The following KLF9 variants were observed in gnomAD, a reference collection of about 807,000 sequenced individuals.
The protein encoded by KLF9 is Krueppel-like factor 9.
A neutral mutation model predicts 17.3 loss-of-function variants in KLF9; 2 were observed. The ratio of observed to expected loss-of-function variants is 0.12; its 90% confidence interval spans 0.05 to 0.36. The LOEUF is 0.36. Among genes scored for constraint, KLF9 ranks in the 10% least tolerant of loss-of-function variants. The pLI is 1.00. For synonymous variants in KLF9, 138 were observed against 139.2 expected (o/e 0.99, Z 0.06); for missense variants, 226 against 333.2 (o/e 0.68, Z 2.51).
At position 70,409,115 on chromosome 9, in the gene KLF9, CATATATGTATATATGTATACAT is replaced by C. The variant is rs2037286369; in HGVS notation, c.505+3722_505+3743del. 2.7e-5 allele frequency among the ~76,000 whole-genome samples: 2 copies of C among 72,862 alleles called. 1 individual carries two copies. The highest frequency in any genetic ancestry group is 6.4e-5 in the Non-Finnish European group (2 of 31,032). The allele number at this position is 72,862 out of a possible 152,430, so 47.8% of individuals were successfully genotyped here. ...ATGTATATATATGTGTATATATATA[CATATATGTATATATGTATACAT>C]ATATATGTATATGTATATATATACA... On this transcript the variant is annotated intron_variant, in intron 1 of 1. Transcript: ENST00000377126.
At chr9:70,397,532 C>A (rs1018423656) in intron 1 of KLF9, among the ~76,000 whole-genome samples, 5 of 151,948 alleles carry the variant, frequency 3.3e-5, no homozygotes, top group African/African-American at 7.2e-5. Flanking sequence ...CATCTGTCTT[C>A]TCACTCCTCT....
rs142996917 is a variant in KLF9 at position 70,387,780 on chromosome 9, A to G, written c.731T>C (p.Leu244Ser). The change falls in exon 2 of 2, where the codon TTG becomes TCG. Residue 244 changes from leucine (L) to serine (S), a missense_variant. Transcript: ENST00000377126. ...KRSKKALANA[L>S] ...CTGGCTTCCACGGGCAGCACCTCAC[A>G]AAGCGTTGGCCAGCGCCTTTTTCGA... The G allele has an allele frequency of 4.2e-5, 68 of 1,613,602 alleles. No homozygotes were observed. The highest frequency in any genetic ancestry group is 5.2e-5 in the Non-Finnish European group (61 of 1,179,890).
chr9:70,402,745 C>T (rs2037230419), intron 1 of KLF9, among the ~76,000 whole-genome samples: 1 of 151,932 alleles, frequency 6.6e-6, no homozygotes, highest in South Asian at 2.1e-4. Context: ...AGAGATAGTT[C>T]GGAGCTCCTT....
At chr9:70,401,809 G>A (rs1395373040) in intron 1 of KLF9, among the ~76,000 whole-genome samples, 1 of 151,546 alleles carries the variant, frequency 6.6e-6, no homozygotes, top group African/African-American at 2.4e-5. Context: ...GAGGCCAGGA[G>A]TTTGAGACCA....
At position 70,384,612 on chromosome 9, in the gene KLF9, T is replaced by G. The variant is rs1010832992; in HGVS notation, c.*3164A>C. 1.3e-5 allele frequency: 2 copies of G among 152,656 alleles called. No homozygotes were observed. Among genetic ancestry groups the G allele is most frequent in the Admixed American group, 6.5e-5 (1 of 15,286 alleles). The allele number at this position is 152,656 out of a possible 1,614,324, so 9.5% of individuals were successfully genotyped here. On this transcript the variant is annotated 3_prime_UTR_variant, in exon 2 of 2. Transcript: ENST00000377126. ...GCTAGAACAATTCAGTCTTTATCATTTATTATTTTTATTTGGACAACATAT... is the reference window on the plus strand; with the variant it reads ...GCTAGAACAATTCAGTCTTTATCATGTATTATTTTTATTTGGACAACATAT...
chr9:70,401,700 A>AG (rs1161785545), intron 1 of KLF9, among the ~76,000 whole-genome samples: 1 of 150,234 alleles, frequency 6.7e-6, no homozygotes, highest in African/African-American at 2.4e-5. Flanking sequence ...AAAAAAAAAA[A>AG]AAAAAGAAAA....
At position 70,387,129 on chromosome 9, in the gene KLF9, A is replaced by C. The variant is rs1052091955; in HGVS notation, c.*647T>G. ...CTATAAGTAACTGTTTTTTGTTTTC[A>C]AGTCTTTAGATGACAGATCATGCTG... On this transcript the variant is annotated 3_prime_UTR_variant, in exon 2 of 2. Coordinates refer to ENST00000377126, the MANE Select transcript of KLF9 (RefSeq NM_001206.4). The C allele has an allele frequency of 6.5e-6, 1 of 152,984 alleles. No individual in the cohort carries two copies. The highest frequency in any genetic ancestry group is 6.5e-5 in the Admixed American group (1 of 15,334). The allele number at this position is 152,984 out of a possible 1,614,324, so 9.5% of individuals were successfully genotyped here.
chr9:70,399,637 C>T (rs2037208751), intron 1 of KLF9, among the ~76,000 whole-genome samples: 2 of 152,218 alleles, frequency 1.3e-5, no homozygotes, highest in South Asian at 2.1e-4. Context: ...TGCCCAAGGA[C>T]GCCCTGCACA....
intron 1 of KLF9, among the ~76,000 whole-genome samples, chr9:70,408,488 C>T (rs1049094565): frequency 2.0e-5 from 3 of 152,072 alleles, no homozygotes; most frequent in Non-Finnish European, 2.9e-5. Context: ...ACAGGGCTTC[C>T]GTTCCACTCA....
chr9:70,400,291 T>C (rs531428230), intron 1 of KLF9, among the ~76,000 whole-genome samples: 2 of 152,300 alleles, frequency 1.3e-5, no homozygotes, highest in East Asian at 1.9e-4. Context: ...GAGCCACTGA[T>C]GTCAGCCTGT....
chr9:70,395,350 A>G (rs1396721615), intron 1 of KLF9, among the ~76,000 whole-genome samples: 1 of 152,178 alleles, frequency 6.6e-6, no homozygotes, highest in African/African-American at 2.4e-5. Context: ...AATGTAAAAA[A>G]TAAAGCCATA....
chr9:70,403,976 G>A lies in KLF9; in HGVS notation c.505+8883C>T, dbSNP rs140711239. Among the ~76,000 whole-genome samples, 483 of 152,112 alleles carry A rather than the reference G, an allele frequency of 3.2e-3. 2 individuals are homozygous for A. Among genetic ancestry groups the A allele is most frequent in the African/African-American group, 0.011 (436 of 41,488 alleles). On this transcript the variant is annotated intron_variant, in intron 1 of 1. Coordinates refer to ENST00000377126, the MANE Select transcript of KLF9 (RefSeq NM_001206.4). ...AAACACAGGGTCTCTTCCCACTGGC[G>A]GAAACTCAAGGGGTCCAGATCAGCA...
In KLF9 at chr9:70,413,515, C is replaced by A; in HGVS notation, c.-152G>T. The A allele has an allele frequency of 2.6e-6, 2 of 761,660 alleles. No individual in the cohort carries two copies. Among genetic ancestry groups the A allele is most frequent in the Non-Finnish European group, 3.5e-6 (2 of 575,874 alleles). 47.2% of individuals were successfully genotyped at this position (761,660 alleles called of 1,614,324 possible). ...GCGGGGGCGCGGGGCGCTTCCGACTCGCAGGAGCGCCGAGGCGACCTCAGC... is the reference window on the plus strand; with the variant it reads ...GCGGGGGCGCGGGGCGCTTCCGACTAGCAGGAGCGCCGAGGCGACCTCAGC... On this transcript the variant is annotated 5_prime_UTR_variant, in exon 1 of 2. Coordinates refer to ENST00000377126, the MANE Select transcript of KLF9 (RefSeq NM_001206.4). This position sits in a 1 kb window ranked among gnomAD's most constrained non-coding sequence, Gnocchi z 5.6.
chr9:70,387,894 G>T lies in KLF9; in HGVS notation c.617C>A (p.Pro206Gln), dbSNP rs1360039565. ...CCTCATGAAGCGCTTCTCACACAGC[G>T]GACAGCGGAACTGCTTTTCCCCAGT... ...THTGEKQFRC[P>Q]LCEKRFMRSD... is the part of the protein sequence containing the mutation. Residue 206 changes from proline to glutamine, a missense_variant, in exon 2 of 2, where the codon CCG (proline) becomes CAG (glutamine). Physicochemically the swap from Pro to Gln is moderately conservative, Grantham distance 76. Transcript: ENST00000377126. 1 of 1,614,012 alleles carries T rather than the reference G, an allele frequency of 6.2e-7. No homozygotes were observed. The highest frequency in any genetic ancestry group is 8.5e-7 in the Non-Finnish European group (1 of 1,180,032).
chr9:70,412,776 C>A (rs2037334296), intron 1 of KLF9, 83 bp downstream of exon 1: 1 of 1,308,662 alleles, frequency 7.6e-7, no homozygotes, highest in African/African-American at 1.5e-5. Flanking sequence ...CGGCCGAGTG[C>A]AGTGTCCCGA....
chr9:70,391,168 T>C (rs1261208520), intron 1 of KLF9, among the ~76,000 whole-genome samples: 8 of 152,124 alleles, frequency 5.3e-5, no homozygotes, highest in Non-Finnish European at 4.4e-5. Flanking sequence ...CAGAAGACCA[T>C]TCAGCTGTGG....
chr9:70,396,229 T>A (rs945601793), intron 1 of KLF9, among the ~76,000 whole-genome samples: 2 of 152,292 alleles, frequency 1.3e-5, no homozygotes, highest in South Asian at 2.1e-4. Context: ...ATTAATTTGA[T>A]AATAATTAGA....
At chr9:70,388,358 G>A (rs2037128233) in intron 1 of KLF9, among the ~76,000 whole-genome samples, 1 of 152,156 alleles carries the variant, frequency 6.6e-6, no homozygotes, top group South Asian at 2.1e-4. Flanking sequence ...GCCAAGGAGA[G>A]AGGCCTCCAA....
Position 70,388,026 on chromosome 9 carries a change from A to G in KLF9, c.506-21T>C, listed in dbSNP as rs1333143499. 3 of 1,594,944 alleles carry G rather than the reference A, an allele frequency of 1.9e-6. No individual in the cohort carries two copies. The African/African-American group carries it at 4.0e-5, about 21-fold the overall frequency. On this transcript the variant is annotated intron_variant, in intron 1 of 1. Transcript: ENST00000377126. ...TTCACCTAAGAGAAAGGAATCAGAA[A>G]GGATACAGCTCAAAGAACATGAAAA... is the stretch of plus-strand genomic sequence containing the variant.
Sources: gnomAD v4.1 joint callset for allele counts (sites outside exome capture counted in the v4.1 genomes callset) on GRCh38, gnomAD v4.1.1 for gene constraint, Gnocchi (gnomAD v3.1) non-coding constraint, MANE v1.5 for transcripts, NCBI Gene and HGNC (gene_info 2026-07-23, HGNC 2026-07-21) for gene names.